HYDIN: variants seen among roughly 807,000 people sequenced by gnomAD.
HYDIN encodes HYDIN axonemal central pair apparatus protein, also known as axonemal central pair apparatus protein HYDIN.
Under a neutral mutation model 403.9 loss-of-function variants are expected in HYDIN, and 132 were observed. The ratio of observed to expected loss-of-function variants is 0.33; its 90% CI spans 0.28 to 0.38. The LOEUF (loss-of-function observed/expected upper bound fraction) is 0.38. Among genes scored for constraint, HYDIN ranks in the 10% least tolerant of loss-of-function variants. HYDIN has a pLI of 1.00. For synonymous variants in HYDIN, 1,202 were observed against 1,891.7 expected (o/e 0.64, Z 9.46); for missense variants, 2,827 against 5,009.5 (o/e 0.56, Z 13.15).
At chr16:70,939,159 G>A (rs950179034) in intron 43 of HYDIN, among the ~76,000 whole-genome samples, 5 of 152,202 alleles carry the variant, frequency 3.3e-5, no homozygotes, top group African/African-American at 1.2e-4. Flanking sequence ...AGGAGCAGGG[G>A]TCAGAGGGCT....
intron 18 of HYDIN, among the ~76,000 whole-genome samples, chr16:71,044,789 A>G (rs2081399823): frequency 7.0e-6 from 1 of 141,938 alleles, no homozygotes; most frequent in African/African-American, 2.5e-5. Context: ...GTTTTCTACT[A>G]AGTTGTCTTG....
intron 18 of HYDIN, among the ~76,000 whole-genome samples, chr16:71,050,043 T>G (rs1597643713): frequency 2.0e-5 from 3 of 148,588 alleles, no homozygotes. Flanking sequence ...TGTGTGTGTG[T>G]GGGTGTGTGT....
chr16:70,948,326 C>A (rs569279666), intron 41 of HYDIN, among the ~76,000 whole-genome samples: 6 of 152,086 alleles, frequency 3.9e-5, no homozygotes, highest in South Asian at 4.2e-4. Context: ...TTAAAGACTT[C>A]AATGTTAGTC....
chr16:70,924,851 C>T (rs1274849876), intron 45 of HYDIN, among the ~76,000 whole-genome samples: 1 of 104,732 alleles, frequency 9.5e-6, no homozygotes, highest in Non-Finnish European at 1.9e-5. Context: ...AGTTAATAAA[C>T]GCTGGGCCTA....
chr16:70,836,273 T>C (rs2143526665), intron 77 of HYDIN, among the ~76,000 whole-genome samples: 1 of 152,208 alleles, frequency 6.6e-6, no homozygotes, highest in African/African-American at 2.4e-5. Flanking sequence ...AGTGGCCCAG[T>C]GAAGGCCTGA....
intron 66 of HYDIN, among the ~76,000 whole-genome samples, chr16:70,867,997 A>C (rs2039860209): frequency 6.6e-6 from 1 of 152,276 alleles, no homozygotes; most frequent in East Asian, 1.9e-4. Flanking sequence ...GCATAGGTTA[A>C]AAAAAGAACA....
intron 4 of HYDIN, among the ~76,000 whole-genome samples, chr16:71,176,470 T>C (rs2144642274): frequency 6.6e-6 from 1 of 152,198 alleles, no homozygotes; most frequent in African/African-American, 2.4e-5. Context: ...CTATAGCACA[T>C]TATATGCCAC....
At chr16:70,865,861 CA>C (rs971864018) in intron 67 of HYDIN, among the ~76,000 whole-genome samples, 15 of 152,188 alleles carry the variant, frequency 9.9e-5, no homozygotes, top group Admixed American at 5.2e-4. Flanking sequence ...GGTGCATGGG[CA>C]AAAAGAACAG....
At chr16:71,087,674 C>A (rs2144362595) in intron 12 of HYDIN, 1 of 129,914 alleles carries the variant, frequency 7.7e-6, no homozygotes, top group East Asian at 2.2e-4. Context: ...AGTACATTTT[C>A]CTTGGATCCT....
chr16:70,809,965 T>C lies in HYDIN; in HGVS notation c.14701A>G (p.Thr4901Ala), dbSNP rs2035360723. ...FEFQPLKAGE[T>A]FGRLTLHNTD... Reference sequence around the variant, plus strand: ...TTGTGCAAAGTTAGTCTTCCGAAGGTTTCTCCAGCTTTCAGGGGCTGAAAT... The same window carrying C: ...TTGTGCAAAGTTAGTCTTCCGAAGGCTTCTCCAGCTTTCAGGGGCTGAAAT... The change falls in exon 85 of 86, where the codon ACC (threonine) becomes GCC (alanine). Residue 4901 changes from threonine (T) to alanine (A), a missense_variant. Thr to Ala is a moderately conservative substitution (Grantham distance 58, BLOSUM62 0). Coordinates refer to ENST00000393567, the MANE Select transcript of HYDIN (RefSeq NM_001270974.2). The C allele has an allele frequency of 6.2e-7, 1 of 1,613,946 alleles. No homozygotes were observed. The highest frequency in any genetic ancestry group is 1.3e-5 in the African/African-American group (1 of 74,860).
chr16:71,012,554 T>G (rs1381125505), intron 23 of HYDIN, among the ~76,000 whole-genome samples: 2 of 152,188 alleles, frequency 1.3e-5, no homozygotes, highest in Non-Finnish European at 2.9e-5. Flanking sequence ...TGAGTGAGAA[T>G]TGCCTACAAA....
At chr16:71,211,383 G>T (rs1371216820) in intron 1 of HYDIN, among the ~76,000 whole-genome samples, 1 of 148,712 alleles carries the variant, frequency 6.7e-6, no homozygotes, top group Non-Finnish European at 1.5e-5. Flanking sequence ...ACTCACACCT[G>T]TAATCCCAGC....
chr16:70,811,862 A>C (rs2035530341), intron 84 of HYDIN, among the ~76,000 whole-genome samples: 1 of 134,126 alleles, frequency 7.5e-6, no homozygotes, highest in Non-Finnish European at 1.6e-5. Flanking sequence ...CATCTTGGGA[A>C]AAAAAAAAAA....
chr16:70,829,590 C>G lies in HYDIN; in HGVS notation c.14112+28G>C, dbSNP rs777586538. The G allele has an allele frequency of 7.5e-6, 12 of 1,594,484 alleles. No homozygotes were observed. In the East Asian group the frequency reaches 2.7e-4, roughly 36 times the overall value. ...GCCACCTTCAACTATGCCAGGAAAC[C>G]AATGGGGGTGGGGGGACCTCAGTCT... On this transcript the variant is annotated intron_variant, in intron 81 of 85. Transcript: ENST00000393567.
chr16:70,937,694 G>C (rs1029304314), intron 44 of HYDIN, among the ~76,000 whole-genome samples: 8 of 142,176 alleles, frequency 5.6e-5, no homozygotes, highest in African/African-American at 1.8e-4. Flanking sequence ...AAAAAGATTA[G>C]GACATACTGT....
chr16:71,157,079 G>A (rs2085799972), intron 6 of HYDIN, among the ~76,000 whole-genome samples: 1 of 146,676 alleles, frequency 6.8e-6, no homozygotes, highest in Non-Finnish European at 1.5e-5. Flanking sequence ...TTTATTGGGT[G>A]TTTATTTATT....
chr16:71,116,226 A>G (rs1253482021), intron 9 of HYDIN, among the ~76,000 whole-genome samples: 1 of 128,726 alleles, frequency 7.8e-6, no homozygotes, highest in Non-Finnish European at 1.6e-5. Flanking sequence ...TCTATGAGTT[A>G]GACCTTTTTT....
intron 7 of HYDIN, among the ~76,000 whole-genome samples, chr16:71,137,561 C>T (rs560598804): frequency 9.2e-4 from 139 of 151,888 alleles, no homozygotes; most frequent in African/African-American, 3.3e-3. Context: ...AGCTATCTTG[C>T]CTGGTCATTG....
intron 45 of HYDIN, among the ~76,000 whole-genome samples, chr16:70,927,180 T>G (rs2077179508): frequency 7.0e-6 from 1 of 142,258 alleles, no homozygotes; most frequent in African/African-American, 2.6e-5. Flanking sequence ...CAAATCATAG[T>G]AAATTACTGA....
Sources: allele counts gnomAD v4.1 joint callset (sites outside exome capture counted in the v4.1 genomes callset), GRCh38; gene constraint gnomAD v4.1.1; transcripts MANE v1.5; gene names NCBI Gene and HGNC (gene_info 2026-07-23, HGNC 2026-07-21).